The following CLSTN2 variants were observed in gnomAD, a reference collection of about 807,000 sequenced individuals.
The protein encoded by CLSTN2 is calsyntenin 2.
CLSTN2 carries 48 observed loss-of-function variants against 101.2 expected under a neutral mutation model. That is an observed-to-expected ratio of 0.47 (90% CI 0.38 to 0.60). The LOEUF (loss-of-function observed/expected upper bound fraction) is 0.60, where lower values mean the gene tolerates loss of function less well. CLSTN2 is among the 20% of genes least tolerant of loss of function. The pLI, the probability that CLSTN2 is intolerant of heterozygous loss-of-function variation, is 0.00. For synonymous variants in CLSTN2, 481 were observed against 463.6 expected, an observed-to-expected ratio of 1.04 and a Z score of -0.48; for missense variants, 1,160 against 1,238.2, an observed-to-expected ratio of 0.94 and a Z score of 0.95.
rs892579890 is a variant in CLSTN2 at position 140,570,191 on chromosome 3, C to T, written c.*3938C>T. 3 of 152,124 alleles carry T rather than the reference C, an allele frequency of 2.0e-5. No homozygotes were observed. The highest frequency in any genetic ancestry group is 6.5e-5 in the Admixed American group (1 of 15,272). 9.4% of individuals were successfully genotyped at this position (152,124 alleles called of 1,614,324 possible). A position where few individuals can be genotyped will look rare whatever the true frequency, so the allele number is the denominator to read the frequency against. On this transcript the variant is annotated 3_prime_UTR_variant, in exon 17 of 17. Transcript: ENST00000458420. The stretch of plus-strand genomic sequence containing the variant: ...AGTAAATATTTTGGGCTTTGTGAGC[C>T]ATTTGGTACCTGTCACAGAATAGTC...
At chr3:140,105,674 T>C (rs1364734351) in intron 1 of CLSTN2, among the ~76,000 whole-genome samples, 1 of 152,172 alleles carries the variant, frequency 6.6e-6, no homozygotes, top group Non-Finnish European at 1.5e-5. Context: ...TGCTGTTTCA[T>C]CAGACCCCCG....
intron 4 of CLSTN2, among the ~76,000 whole-genome samples, chr3:140,417,221 C>T (rs113991733): frequency 9.9e-5 from 15 of 152,238 alleles, no homozygotes; most frequent in African/African-American, 3.4e-4. Flanking sequence ...CATCTTTAAA[C>T]GTTCTTTATA....
intron 8 of CLSTN2, among the ~76,000 whole-genome samples, chr3:140,476,761 C>A (rs994942236): frequency 6.6e-6 from 1 of 151,666 alleles, no homozygotes; most frequent in Non-Finnish European, 1.5e-5. Flanking sequence ...TGGGTTCACA[C>A]CATTCTCCTG....
chr3:140,466,739 G>GCTCAC lies in CLSTN2; in HGVS notation c.1344+14_1344+18dup, dbSNP rs563123274. ...CACTGGAAGCTGGATCAGGTATGGT[G>GCTCAC]CTCACCTCACACCTGCTGCTACTCA... On this transcript the variant is annotated intron_variant, in intron 8 of 16. Transcript: ENST00000458420. 1.1e-5 allele frequency: 17 copies of GCTCAC among 1,613,844 alleles called. No homozygotes were observed. In the African/African-American group the frequency reaches 2.1e-4, roughly 20 times the overall value.
intron 1 of CLSTN2, among the ~76,000 whole-genome samples, chr3:140,139,058 C>T (rs1267695212): frequency 3.3e-5 from 5 of 152,206 alleles, no homozygotes; most frequent in Non-Finnish European, 5.9e-5. Flanking sequence ...TGAGCAATTG[C>T]ACCTCTCTGG....
chr3:140,389,509 G>A (rs1232594974), intron 2 of CLSTN2, among the ~76,000 whole-genome samples: 1 of 152,156 alleles, frequency 6.6e-6, no homozygotes, highest in Non-Finnish European at 1.5e-5. Context: ...TGGTGTATAT[G>A]TATTTTCTTT....
In CLSTN2 at chr3:140,353,450, C is replaced by T. The variant is rs568751117; in HGVS notation, c.233-50179C>T. 6.7e-4 allele frequency among the ~76,000 whole-genome samples: 102 copies of T among 152,170 alleles called. 1 individual carries two copies. Among genetic ancestry groups the T allele is most frequent in the African/African-American group, 2.4e-3 (98 of 41,516 alleles). ...AGTCTAGGCCAGTCTCGCCTTTTGACATTTTTCTGCCTGTTTTATATTTGC... is the reference window on the plus strand; with the variant it reads ...AGTCTAGGCCAGTCTCGCCTTTTGATATTTTTCTGCCTGTTTTATATTTGC... On this transcript the variant is annotated intron_variant, in intron 2 of 16. Coordinates refer to ENST00000458420, the MANE Select transcript of CLSTN2 (RefSeq NM_022131.3).
intron 5 of CLSTN2, among the ~76,000 whole-genome samples, chr3:140,443,456 A>G (rs2108005510): frequency 6.6e-6 from 1 of 152,352 alleles, no homozygotes; most frequent in African/African-American, 2.4e-5. Flanking sequence ...AAGTTACCCA[A>G]ATGTAGAGGT....
intron 2 of CLSTN2, among the ~76,000 whole-genome samples, chr3:140,203,387 G>C (rs1397188828): frequency 6.7e-6 from 1 of 148,880 alleles, no homozygotes; most frequent in Non-Finnish European, 1.5e-5. Context: ...CCATTTTTAG[G>C]AACATTACTG....
In CLSTN2 at chr3:140,131,826, A is replaced by G. The variant is rs181713439; in HGVS notation, c.110-44125A>G. On this transcript the variant is annotated intron_variant, in intron 1 of 16. Coordinates refer to ENST00000458420, the MANE Select transcript of CLSTN2 (RefSeq NM_022131.3). ...TGTGTAGAGGAGAATGGATTGGAAG[A>G]AAAGATACAGAGGGGAGAATGCTAG... 3.0e-4 allele frequency among the ~76,000 whole-genome samples: 46 copies of G among 152,280 alleles called. 1 individual carries two copies. The East Asian group carries it at 8.5e-3, about 28-fold the overall frequency.
intron 2 of CLSTN2, among the ~76,000 whole-genome samples, chr3:140,402,477 TG>T (rs2088253292): frequency 6.6e-6 from 1 of 152,254 alleles, no homozygotes; most frequent in South Asian, 2.1e-4. Context: ...TGAAGTTCTC[TG>T]GGTATGGGTA....
chr3:140,450,623 G>A (rs1043584600), intron 6 of CLSTN2, among the ~76,000 whole-genome samples: 13 of 152,142 alleles, frequency 8.5e-5, no homozygotes, highest in Non-Finnish European at 1.5e-4. Context: ...AGGAGGCTGT[G>A]AATGCACAGT....
chr3:140,502,259 T>C (rs1934592728), intron 8 of CLSTN2, among the ~76,000 whole-genome samples: 1 of 152,114 alleles, frequency 6.6e-6, no homozygotes, highest in Non-Finnish European at 1.5e-5. Context: ...GTCAACTAAT[T>C]CTACACCTCT....
intron 4 of CLSTN2, among the ~76,000 whole-genome samples, chr3:140,407,778 T>C (rs760314881): frequency 6.6e-6 from 1 of 152,136 alleles, no homozygotes; most frequent in Non-Finnish European, 1.5e-5. Flanking sequence ...GTCCTCAAAA[T>C]TGAATCCTAA....
At chr3:140,029,997 T>C (rs1047981155) in intron 1 of CLSTN2, among the ~76,000 whole-genome samples, 1 of 152,206 alleles carries the variant, frequency 6.6e-6, no homozygotes, top group South Asian at 2.1e-4. Context: ...TGGTTTCAGC[T>C]GATTCTCTTC....
intron 4 of CLSTN2, among the ~76,000 whole-genome samples, chr3:140,407,918 C>T (rs72981083): frequency 0.026 from 3,894 of 152,230 alleles, 149 homozygotes; most frequent in African/African-American, 0.087. Context: ...TTACAGGATG[C>T]ATGGCAGTGA....
At chr3:140,509,231 T>A (rs1392234798) in intron 8 of CLSTN2, among the ~76,000 whole-genome samples, 2 of 152,136 alleles carry the variant, frequency 1.3e-5, no homozygotes, top group Admixed American at 1.3e-4. Flanking sequence ...ACAAATGTGG[T>A]CCAAAAATTT....
intron 1 of CLSTN2, among the ~76,000 whole-genome samples, chr3:139,990,607 G>A (rs1936098474): frequency 6.6e-6 from 1 of 152,194 alleles, no homozygotes; most frequent in African/African-American, 2.4e-5. Flanking sequence ...CAATAAATAA[G>A]TAAATGCTTA....
intron 1 of CLSTN2, among the ~76,000 whole-genome samples, chr3:140,054,622 G>A (rs2008064725): frequency 6.6e-6 from 1 of 152,170 alleles, no homozygotes; most frequent in Non-Finnish European, 1.5e-5. Flanking sequence ...TGCTAGCCAA[G>A]TGAGGAGACA....
Sources: allele counts gnomAD v4.1 joint callset (sites outside exome capture counted in the v4.1 genomes callset), GRCh38; gene constraint gnomAD v4.1.1; transcripts MANE v1.5; gene names NCBI Gene and HGNC (gene_info 2026-07-23, HGNC 2026-07-21).